The following FAM107B variants were observed in gnomAD, a reference collection of about 807,000 sequenced individuals.
FAM107B encodes family with sequence similarity 107 member B, also known as protein FAM107B.
In FAM107B, 21 loss-of-function variants were observed where a neutral mutation model predicts 31.5. The ratio of observed to expected loss-of-function variants is 0.67; its 90% CI spans 0.47 to 0.96. The LOEUF (loss-of-function observed/expected upper bound fraction) is 0.96, where lower values mean the gene tolerates loss of function less well. Ranked by LOEUF, FAM107B falls within the 40% of genes least tolerant of loss-of-function variation. The pLI is 0.00. For synonymous variants in FAM107B, 157 were observed against 141.5 expected (o/e 1.11, Z -0.78); for missense variants, 452 against 377.1 (o/e 1.20, Z -1.64).
intron 1 of FAM107B, among the ~76,000 whole-genome samples, chr10:14,767,045 TATATATATATAG>T (rs796350491): frequency 4.9e-4 from 19 of 39,032 alleles, no homozygotes; most frequent in East Asian, 1.4e-3. Flanking sequence ...TATATATATA[TATATATATATAG>T]AGAGAGAGAG....
intron 1 of FAM107B, among the ~76,000 whole-genome samples, chr10:14,728,373 G>T (rs144758768): frequency 4.6e-5 from 7 of 150,970 alleles, no homozygotes; most frequent in Non-Finnish European, 1.0e-4. Context: ...AATCTCCAGC[G>T]GTAGAAATTA....
rs189623833 is a variant in FAM107B at position 14,653,432 on chromosome 10, A to T, written c.469+14202T>A. Reference sequence around the variant, plus strand: ...CAATTTCACATCACCAGCCTTGCTGAGCAAGAACAGAAGCTGTTCTTCACT... The same window carrying T: ...CAATTTCACATCACCAGCCTTGCTGTGCAAGAACAGAAGCTGTTCTTCACT... On this transcript the variant is annotated intron_variant, in intron 2 of 4. Coordinates refer to ENST00000181796, the MANE Select transcript of FAM107B (RefSeq NM_031453.4). 2.7e-3 allele frequency among the ~76,000 whole-genome samples: 417 copies of T among 152,312 alleles called. 3 individuals are homozygous for T. Among genetic ancestry groups the T allele is most frequent in the Non-Finnish European group, 3.1e-3 (214 of 68,030 alleles).
intron 1 of FAM107B, among the ~76,000 whole-genome samples, chr10:14,697,783 A>T (rs921810347): frequency 6.6e-6 from 1 of 152,180 alleles, no homozygotes; most frequent in African/African-American, 2.4e-5. Context: ...CTGTGAGGCC[A>T]CTTGCCACAT....
intron 1 of FAM107B, among the ~76,000 whole-genome samples, chr10:14,672,664 C>T (rs908462982): frequency 6.6e-6 from 1 of 152,064 alleles, no homozygotes; most frequent in Non-Finnish European, 1.5e-5. Context: ...GAGGACTAAT[C>T]CCAAGATGCC....
intron 1 of FAM107B, among the ~76,000 whole-genome samples, chr10:14,677,245 A>C (rs1854704945): frequency 6.6e-6 from 1 of 152,192 alleles, no homozygotes; most frequent in Admixed American, 6.5e-5. Flanking sequence ...ATTCAAACCC[A>C]GGCCTACTCG....
In FAM107B at chr10:14,592,615, A is replaced by G. The variant is rs534897631; in HGVS notation, c.470-62100T>C. Among the ~76,000 whole-genome samples the G allele has an allele frequency of 6.6e-5, 10 of 152,336 alleles. No individual in the cohort carries two copies. The South Asian group carries it at 8.3e-4, about 13-fold the overall frequency. ...TATATAATTGAGGCATAACTTGCAT[A>G]AAGTGCATGCATTACATGTACAGCC... On this transcript the variant is annotated intron_variant, in intron 2 of 4. Coordinates refer to ENST00000181796, the MANE Select transcript of FAM107B (RefSeq NM_031453.4).
intron 2 of FAM107B, among the ~76,000 whole-genome samples, chr10:14,638,720 T>C (rs1462794187): frequency 6.6e-6 from 1 of 152,172 alleles, no homozygotes; most frequent in African/African-American, 2.4e-5. Context: ...CTTACTATTC[T>C]CACATCGGCT....
chr10:14,561,763 T>C (rs894844070), intron 2 of FAM107B, among the ~76,000 whole-genome samples: 2 of 152,152 alleles, frequency 1.3e-5, no homozygotes, highest in Admixed American at 6.5e-5. Flanking sequence ...AATAAACCAT[T>C]AGGTATACTC....
chr10:14,602,892 C>T (rs1403280358), intron 2 of FAM107B: 1 of 151,994 alleles, frequency 6.6e-6, no homozygotes, highest in Admixed American at 6.6e-5. Context: ...CCGTATTAAT[C>T]TTGGATGTAA....
intron 2 of FAM107B, among the ~76,000 whole-genome samples, chr10:14,638,621 C>A (rs1481280706): frequency 6.6e-6 from 1 of 152,090 alleles, no homozygotes; most frequent in Admixed American, 6.6e-5. Context: ...TTTTTGCCTG[C>A]CTTTCAGGGG....
intron 1 of FAM107B, among the ~76,000 whole-genome samples, chr10:14,733,851 TC>T (rs1206852913): frequency 6.6e-6 from 1 of 152,206 alleles, no homozygotes; most frequent in African/African-American, 2.4e-5. Context: ...CCACATTTTC[TC>T]CCTGAACAGG....
At chr10:14,619,369 T>C (rs568691298) in intron 2 of FAM107B, among the ~76,000 whole-genome samples, 7 of 152,302 alleles carry the variant, frequency 4.6e-5, no homozygotes, top group Admixed American at 2.0e-4. Context: ...ACTAGCAGTG[T>C]TTTTCATTTT....
chr10:14,570,233 G>GGGGT lies in FAM107B; in HGVS notation c.470-39719_470-39718insACCC, dbSNP rs1554835078. Among the ~76,000 whole-genome samples, 461 of 140,408 alleles carry GGGGT rather than the reference G, an allele frequency of 3.3e-3. 2 individuals are homozygous for GGGGT. Among genetic ancestry groups the GGGGT allele is most frequent in the East Asian group, 0.023 (113 of 4,950 alleles). 92.1% of individuals were successfully genotyped at this position (140,408 alleles called of 152,430 possible). A position where few individuals can be genotyped will look rare whatever the true frequency, so the allele number is the denominator to read the frequency against. On this transcript the variant is annotated intron_variant, in intron 2 of 4. Transcript: ENST00000181796. ...ACGTACCTACCAAAAAAATGTGGTG[G>GGGGT]GTGTGTGTGTGTGTGTGTGTGTGTG...
At chr10:14,748,991 C>T (rs1252376624) in intron 1 of FAM107B, among the ~76,000 whole-genome samples, 1 of 152,136 alleles carries the variant, frequency 6.6e-6, no homozygotes, top group Non-Finnish European at 1.5e-5. Flanking sequence ...AAGAATAGAT[C>T]TGATTATACC....
At chr10:14,615,393 G>C (rs1018909962) in intron 2 of FAM107B, among the ~76,000 whole-genome samples, 2 of 152,164 alleles carry the variant, frequency 1.3e-5, no homozygotes, top group Non-Finnish European at 2.9e-5. Flanking sequence ...GATCTTGTAG[G>C]GAGAGAATTA....
chr10:14,684,592 G>A (rs895452752), intron 1 of FAM107B, among the ~76,000 whole-genome samples: 4 of 152,122 alleles, frequency 2.6e-5, no homozygotes, highest in Non-Finnish European at 4.4e-5. Context: ...GAATTTCAGA[G>A]GGACACAAAC....
At chr10:14,661,660 C>T (rs1301587808) in intron 2 of FAM107B, 1 of 152,162 alleles carries the variant, frequency 6.6e-6, no homozygotes, top group Non-Finnish European at 1.5e-5. Context: ...TCATGTGAGC[C>T]AATTCCTCAT....
At chr10:14,697,255 C>G (rs550209134) in intron 1 of FAM107B, among the ~76,000 whole-genome samples, 6 of 152,186 alleles carry the variant, frequency 3.9e-5, no homozygotes, top group Non-Finnish European at 8.8e-5. Flanking sequence ...ACTCTTCTTT[C>G]GTCCTCTCCT....
chr10:14,759,808 C>T (rs2768707), intron 1 of FAM107B, among the ~76,000 whole-genome samples: 20,303 of 151,736 alleles, frequency 0.13, 1,630 homozygotes, highest in East Asian at 0.27. Flanking sequence ...ACCTCCCGGA[C>T]ACAAGTGATT....
Sources: allele counts gnomAD v4.1 joint callset (sites outside exome capture counted in the v4.1 genomes callset), GRCh38; gene constraint gnomAD v4.1.1; transcripts MANE v1.5; gene names NCBI Gene and HGNC (gene_info 2026-07-23, HGNC 2026-07-21).